The following TGFBR2 variants were observed in gnomAD, a reference collection of about 807,000 sequenced individuals.
The protein encoded by TGFBR2 is TGF-beta receptor type-2.
TGFBR2 carries 18 observed loss-of-function variants against 49.0 expected under a neutral mutation model. The ratio of observed to expected loss-of-function variants is 0.37; its 90% CI spans 0.25 to 0.54. TGFBR2 has a LOEUF of 0.54. TGFBR2 is among the 20% of genes least tolerant of loss of function. The pLI is 0.85. For missense variants in TGFBR2, 525 were observed against 722.6 expected (o/e 0.73, Z 3.13); for synonymous variants, 282 against 275.9 (o/e 1.02, Z -0.22).
intron 1 of TGFBR2, among the ~76,000 whole-genome samples, chr3:30,638,422 C>T (rs1294278284): frequency 1.3e-5 from 2 of 152,146 alleles, no homozygotes; most frequent in Non-Finnish European, 2.9e-5. Context: ...TTCCTGCACA[C>T]GCCATAGTCT....
intron 3 of TGFBR2, among the ~76,000 whole-genome samples, chr3:30,653,107 AG>A (rs1575148053): frequency 6.6e-6 from 1 of 152,136 alleles, no homozygotes; most frequent in Non-Finnish European, 1.5e-5. Context: ...TCCAGAAGGT[AG>A]GGGGTGTTTG....
chr3:30,668,488 G>A (rs566759839), intron 3 of TGFBR2, among the ~76,000 whole-genome samples: 9 of 152,260 alleles, frequency 5.9e-5, no homozygotes, highest in East Asian at 3.9e-4. Flanking sequence ...CTGCTGGATC[G>A]GCTGTTGTGT....
chr3:30,648,912 T>C (rs1698827076), intron 2 of TGFBR2, among the ~76,000 whole-genome samples: 2 of 152,174 alleles, frequency 1.3e-5, no homozygotes, highest in South Asian at 4.1e-4. Context: ...GTGGTATTGG[T>C]CAAAGTTGCT....
chr3:30,632,256 C>T (rs192587821), intron 1 of TGFBR2, among the ~76,000 whole-genome samples: 27 of 152,206 alleles, frequency 1.8e-4, no homozygotes, highest in African/African-American at 4.6e-4. Context: ...TAGCATGTTG[C>T]GAAATAACAC....
At position 30,691,717 on chromosome 3, in the gene TGFBR2, C is replaced by A. The variant is rs1277743975; in HGVS notation, c.*118C>A. The A allele has an allele frequency of 8.7e-7, 1 of 1,147,042 alleles. No individual in the cohort carries two copies. Among genetic ancestry groups the A allele is most frequent in the East Asian group, 2.4e-5 (1 of 41,440 alleles). The allele number at this position is 1,147,042 out of a possible 1,614,324, so 71.1% of individuals were successfully genotyped here. On this transcript the variant is annotated 3_prime_UTR_variant, in exon 7 of 7. Coordinates refer to ENST00000295754, the MANE Select transcript of TGFBR2 (RefSeq NM_003242.6). ...CTGGAAAACCAAGGGGGTCACTCCC[C>A]TCCCTGTAAGCTGTGGGGATAAGCA...
intron 1 of TGFBR2, among the ~76,000 whole-genome samples, chr3:30,619,961 GC>G (rs17025738): frequency 0.39 from 59,176 of 151,952 alleles, 12,125 homozygotes; most frequent in Non-Finnish European, 0.45. Context: ...GCCGAGGCGG[GC>G]GGATCACGAA....
At chr3:30,618,962 C>G (rs1004930323) in intron 1 of TGFBR2, among the ~76,000 whole-genome samples, 3 of 152,116 alleles carry the variant, frequency 2.0e-5, no homozygotes, top group African/African-American at 7.2e-5. Context: ...AATTATGGGT[C>G]CCTGTCAGTT....
At chr3:30,644,973 T>C in intron 2 of TGFBR2, 58 bp downstream of exon 2, 1 of 1,476,952 alleles carries the variant, frequency 6.8e-7, no homozygotes, top group Non-Finnish European at 9.5e-7. Flanking sequence ...TAATGTATTC[T>C]CATAGTACAC....
intron 3 of TGFBR2, among the ~76,000 whole-genome samples, 180 bp from the exon 4 acceptor site, chr3:30,671,458 A>G (rs967705168): frequency 3.9e-5 from 6 of 152,244 alleles, no homozygotes; most frequent in African/African-American, 1.4e-4. Context: ...ACAGATGGCC[A>G]GAGGCAGGGA....
intron 3 of TGFBR2, among the ~76,000 whole-genome samples, chr3:30,660,010 C>CT (rs1478223414): frequency 6.6e-6 from 1 of 152,030 alleles, no homozygotes; most frequent in African/African-American, 2.4e-5. Context: ...TTGGAAAGTC[C>CT]TTTTGTATTC....
At chr3:30,632,336 G>C (rs1441412720) in intron 1 of TGFBR2, among the ~76,000 whole-genome samples, 2 of 152,170 alleles carry the variant, frequency 1.3e-5, no homozygotes, top group Non-Finnish European at 2.9e-5. Context: ...CAGAGGATTT[G>C]AAAATTGAAC....
At chr3:30,607,102 C>G in intron 1 of TGFBR2, 125 bp downstream of exon 1, 1 of 737,478 alleles carries the variant, frequency 1.4e-6, no homozygotes, top group Non-Finnish European at 2.3e-6. Context: ...GAAAGTTTCC[C>G]CCGCGACACT....
intron 1 of TGFBR2, among the ~76,000 whole-genome samples, chr3:30,620,448 T>C (rs1698208692): frequency 6.6e-6 from 1 of 151,938 alleles, no homozygotes; most frequent in Non-Finnish European, 1.5e-5. Flanking sequence ...CCACCTGTAG[T>C]ATTGTTTGAC....
intron 1 of TGFBR2, among the ~76,000 whole-genome samples, chr3:30,618,338 T>C (rs957678914): frequency 2.6e-5 from 4 of 151,702 alleles, no homozygotes; most frequent in Non-Finnish European, 5.9e-5. Context: ...CAAGCGATTC[T>C]CCTGCTTCAG....
At chr3:30,660,184 A>C (rs1380755356) in intron 3 of TGFBR2, among the ~76,000 whole-genome samples, 1 of 152,188 alleles carries the variant, frequency 6.6e-6, no homozygotes, top group Non-Finnish European at 1.5e-5. Context: ...ATTAGAGGAT[A>C]TAGTTGGTTC....
chr3:30,650,830 T>G (rs1698869482), intron 3 of TGFBR2, among the ~76,000 whole-genome samples: 1 of 152,214 alleles, frequency 6.6e-6, no homozygotes, highest in African/African-American at 2.4e-5. Context: ...GCTATCTGTA[T>G]TTTAACAAGC....
rs1385706349 is a variant in TGFBR2, at chr3:30,652,752, C to T, written c.454+2292C>T. 8.4e-4 allele frequency among the ~76,000 whole-genome samples: 128 copies of T among 152,166 alleles called. 1 individual carries two copies. Among genetic ancestry groups the T allele is most frequent in the Non-Finnish European group, 2.9e-5 (2 of 68,034 alleles). On this transcript the variant is annotated intron_variant, in intron 3 of 6. Transcript: ENST00000295754. ...AGAAACTTTTCTCTCCTTCTGTATA[C>T]CAGCTTGTCTACAGTAGACAAGTTT...
At position 30,672,280 on chromosome 3, in the gene TGFBR2, C is replaced by T. The variant is rs1699357219; in HGVS notation, c.1097C>T (p.Thr366Ile). Residue 366 changes from threonine to isoleucine, a missense_variant, in exon 4 of 7, where the codon ACT (threonine) becomes ATT (isoleucine). By Grantham distance (89) the Thr-to-Ile change is moderately conservative (BLOSUM62 -1). Around this residue, in one of 3 missense-constraint regions of TGFBR2, gnomAD observed 376 missense variants for 478.2 expected, o/e 0.79. Transcript: ENST00000295754. This position sits in a 1 kb window ranked among gnomAD's most constrained non-coding sequence, Gnocchi z 4.5. Reference protein sequence around the residue: ...RGIAHLHSDHTPCGRPKMPIV... With the variant: ...RGIAHLHSDHIPCGRPKMPIV... Reference sequence around the variant, plus strand: ...ATTGCTCACCTCCACAGTGATCACACTCCATGTGGGAGGCCCAAGATGCCC... The same window carrying T: ...ATTGCTCACCTCCACAGTGATCACATTCCATGTGGGAGGCCCAAGATGCCC... The T allele has an allele frequency of 6.2e-7, 1 of 1,604,846 alleles. No homozygotes were observed. Among genetic ancestry groups the T allele is most frequent in the African/African-American group, 1.3e-5 (1 of 74,962 alleles).
At chr3:30,607,812 A>ATT (rs1559444142) in intron 1 of TGFBR2, among the ~76,000 whole-genome samples, 1 of 139,108 alleles carries the variant, frequency 7.2e-6, no homozygotes. Context: ...ATATATATAT[A>ATT]TTATATATAT....
Sources: gnomAD v4.1 joint callset for allele counts (sites outside exome capture counted in the v4.1 genomes callset) on GRCh38, gnomAD v4.1.1 for gene constraint, gnomAD v4.1.1 regional missense constraint, Gnocchi (gnomAD v3.1) non-coding constraint, MANE v1.5 for transcripts, NCBI Gene and HGNC (gene_info 2026-07-23, HGNC 2026-07-21) for gene names.